ATF6: variants seen among roughly 807,000 people sequenced by gnomAD.
The protein encoded by ATF6 is activating transcription factor 6.
A neutral mutation model predicts 83.6 loss-of-function variants in ATF6; 53 were observed. The observed-to-expected ratio is 0.63, with a 90% CI of 0.51 to 0.80. The LOEUF (loss-of-function observed/expected upper bound fraction) is 0.80. Among genes scored for constraint, ATF6 ranks in the 30% least tolerant of loss-of-function variants. The pLI is 0.00. For missense variants in ATF6, 744 were observed against 797.9 expected, an observed-to-expected ratio of 0.93 and a Z score of 0.81; for synonymous variants, 288 against 285.8, an observed-to-expected ratio of 1.01 and a Z score of -0.08.
chr1:161,799,743 T>C (rs150432420), intron 6 of ATF6, among the ~76,000 whole-genome samples: 24 of 152,312 alleles, frequency 1.6e-4, no homozygotes, highest in African/African-American at 5.3e-4. Context: ...TTTATTGAAA[T>C]TCTGCTACTT....
intron 10 of ATF6, among the ~76,000 whole-genome samples, chr1:161,848,270 C>G (rs144459216): frequency 6.6e-6 from 1 of 151,928 alleles, no homozygotes; most frequent in Non-Finnish European, 1.5e-5. Flanking sequence ...ATAAAAGATA[C>G]CAAAAAATGT....
chr1:161,892,111 G>A (rs1045152313), intron 14 of ATF6: 15 of 152,214 alleles, frequency 9.9e-5, no homozygotes, highest in African/African-American at 3.4e-4. Flanking sequence ...TTTTTGCGAG[G>A]AACGGAGTTT....
chr1:161,810,048 C>G (rs1252696923), intron 7 of ATF6, among the ~76,000 whole-genome samples: 1 of 152,244 alleles, frequency 6.6e-6, no homozygotes, highest in East Asian at 1.9e-4. Context: ...CCAAATGGTC[C>G]TCCATTGAGG....
intron 15 of ATF6, among the ~76,000 whole-genome samples, chr1:161,953,847 G>C (rs1688918234): frequency 6.6e-6 from 1 of 152,020 alleles, no homozygotes; most frequent in Non-Finnish European, 1.5e-5. Context: ...CTCAATTTTT[G>C]CCAGGCACTT....
chr1:161,883,666 T>C (rs1687363130), intron 14 of ATF6, among the ~76,000 whole-genome samples: 2 of 152,042 alleles, frequency 1.3e-5, no homozygotes, highest in Non-Finnish European at 2.9e-5. Context: ...AAGCAGTCTT[T>C]AGTGTTATCT....
chr1:161,784,161 AG>A, intron 4 of ATF6, 65 bp downstream of exon 4: 1 of 1,114,138 alleles, frequency 9.0e-7, no homozygotes, highest in Middle Eastern at 2.0e-4. Context: ...ATGTATATGG[AG>A]GAGGCAGTTA....
At chr1:161,935,962 C>T (rs1255320610) in intron 15 of ATF6, among the ~76,000 whole-genome samples, 3 of 152,272 alleles carry the variant, frequency 2.0e-5, no homozygotes, top group Non-Finnish European at 4.4e-5. Flanking sequence ...GGTTCTAATT[C>T]AGTATTTTTA....
intron 7 of ATF6, among the ~76,000 whole-genome samples, chr1:161,810,474 C>A (rs1000126490): frequency 6.6e-6 from 1 of 152,172 alleles, no homozygotes. Flanking sequence ...GATTACAATT[C>A]GACATGAGAT....
chr1:161,792,294 C>G lies in ATF6; in HGVS notation c.655C>G (p.Pro219Ala). 1 of 1,614,014 alleles carries G rather than the reference C, an allele frequency of 6.2e-7. No individual in the cohort carries two copies. The highest frequency in any genetic ancestry group is 8.5e-7 in the Non-Finnish European group (1 of 1,180,008). Residue 219 changes from proline to alanine, a missense_variant, in exon 6 of 16, where the codon CCA (proline) becomes GCA (alanine). Transcript: ENST00000367942. ...PTLMPLAKQQPIISLQPAPTK... is the reference protein window; with the variant it reads ...PTLMPLAKQQAIISLQPAPTK... ...GCTTATGCCATTGGCAAAGCAGCAA[C>G]CAATTATCAGTTTACAACCTGCACC...
intron 1 of ATF6, among the ~76,000 whole-genome samples, chr1:161,772,772 A>G (rs935554395): frequency 2.1e-4 from 32 of 151,702 alleles, no homozygotes; most frequent in African/African-American, 7.2e-4. Context: ...TAAAAAAAAA[A>G]AAAACAAAAC....
At chr1:161,892,528 CT>C (rs1298700328) in intron 14 of ATF6, among the ~76,000 whole-genome samples, 1 of 151,870 alleles carries the variant, frequency 6.6e-6, no homozygotes, top group African/African-American at 2.4e-5. Flanking sequence ...TCCTGTAATA[CT>C]TTTTCCCCCA....
At chr1:161,857,000 G>A (rs1686779883) in intron 12 of ATF6, among the ~76,000 whole-genome samples, 1 of 152,160 alleles carries the variant, frequency 6.6e-6, no homozygotes, top group African/African-American at 2.4e-5. Flanking sequence ...ACTATAGAAG[G>A]GAATGATGGG....
intron 14 of ATF6, among the ~76,000 whole-genome samples, chr1:161,910,997 ATCAATT>A (rs1366213048): frequency 9.2e-5 from 14 of 152,222 alleles, no homozygotes; most frequent in Admixed American, 2.0e-4. Context: ...GTTCATGTAT[ATCAATT>A]TCAATTTGTT....
intron 14 of ATF6, among the ~76,000 whole-genome samples, chr1:161,883,077 C>G (rs1687352736): frequency 6.6e-6 from 1 of 151,908 alleles, no homozygotes; most frequent in African/African-American, 2.4e-5. Flanking sequence ...CCTTATCACC[C>G]ATAAACAGAC....
At chr1:161,922,506 A>T (rs912098414) in intron 15 of ATF6, among the ~76,000 whole-genome samples, 6 of 152,148 alleles carry the variant, frequency 3.9e-5, no homozygotes, top group Non-Finnish European at 8.8e-5. Context: ...TTAACAACCC[A>T]AACAAAACAA....
chr1:161,805,661 A>G (rs1234401583), intron 7 of ATF6, among the ~76,000 whole-genome samples: 1 of 152,194 alleles, frequency 6.6e-6, no homozygotes, highest in Admixed American at 6.5e-5. Flanking sequence ...GGTTGACCTC[A>G]GTATTACATG....
intron 15 of ATF6, among the ~76,000 whole-genome samples, chr1:161,921,664 C>T (rs1323005174): frequency 6.6e-6 from 1 of 152,116 alleles, no homozygotes; most frequent in East Asian, 1.9e-4. Flanking sequence ...GAGATTTATG[C>T]ATCTTGAATT....
intron 7 of ATF6, among the ~76,000 whole-genome samples, chr1:161,812,360 G>A (rs1685490564): frequency 1.5e-5 from 2 of 135,650 alleles, no homozygotes; most frequent in South Asian, 4.8e-4. Context: ...TGGAATGGGA[G>A]CAGGTATTTT....
In ATF6 at chr1:161,959,588, T is replaced by C. The variant is rs1689048523; in HGVS notation, c.*934T>C. On this transcript the variant is annotated 3_prime_UTR_variant, in exon 16 of 16. Transcript: ENST00000367942. Reference sequence around the variant, plus strand: ...GGGAGGCTGAGGCAGGAGAATGGCGTGAACCCGGGAGGCGGAGCTTGCAGT... The same window carrying C: ...GGGAGGCTGAGGCAGGAGAATGGCGCGAACCCGGGAGGCGGAGCTTGCAGT... The C allele has an allele frequency of 6.9e-6, 1 of 145,498 alleles. No individual in the cohort carries two copies. Among genetic ancestry groups the C allele is most frequent in the African/African-American group, 2.6e-5 (1 of 38,602 alleles). The allele number at this position is 145,498 out of a possible 1,614,324, so 9.0% of individuals were successfully genotyped here.
Sources: gnomAD v4.1 joint callset for allele counts (sites outside exome capture counted in the v4.1 genomes callset) on GRCh38, gnomAD v4.1.1 for gene constraint, MANE v1.5 for transcripts, NCBI Gene and HGNC (gene_info 2026-07-23, HGNC 2026-07-21) for gene names.